Variants in DYNC1H1 observed in about 807,000 individuals in gnomAD.
DYNC1H1 encodes cytoplasmic dynein 1 heavy chain 1.
A neutral mutation model predicts 527.1 loss-of-function variants in DYNC1H1; 51 were observed. That is an observed-to-expected ratio of 0.10 (90% confidence interval 0.08 to 0.12). The LOEUF is 0.12. Among genes scored for constraint, DYNC1H1 ranks in the 10% least tolerant of loss-of-function variants. The probability of loss-of-function intolerance (pLI) is 1.00; values close to 1 mark genes in which losing one functional copy is unlikely to be tolerated. For missense variants in DYNC1H1, 2,771 were observed against 5,971.8 expected, an observed-to-expected ratio of 0.46 and a Z score of 17.66; for synonymous variants, 2,189 against 2,278.8, an observed-to-expected ratio of 0.96 and a Z score of 1.12.
chr14:102,033,756 T>A lies in DYNC1H1; in HGVS notation c.10414-220T>A. 1 of 685,956 alleles carries A rather than the reference T, an allele frequency of 1.5e-6. No homozygotes were observed. 42.5% of individuals were successfully genotyped at this position (685,956 alleles called of 1,614,324 possible). On this transcript the variant is annotated intron_variant, in intron 54 of 77. Transcript: ENST00000360184. The surrounding 1 kb of genome is among the most constrained non-coding windows in gnomAD (Gnocchi z 5.6). ...CTGTTTGCTCTGCTGCCTGAGGGCC[T>A]CGCTCCGTACCCAGCTTCTGCCCCG...
rs755482182 is a variant in DYNC1H1, at chr14:102,005,095, C to G, written c.5292C>G (p.Thr1764=). ...TAGCCTGGTCTGAGAACGTGGAGAC[C>G]GCACTGAGCAGCATGGGCGGAGGTG... ...AQIAWSENVE[T]ALSSMGGGGD... Residue 1764 remains threonine (T), a synonymous_variant, in exon 26 of 78, where the codon ACC becomes ACG. Transcript: ENST00000360184. This position sits in a 1 kb window ranked among gnomAD's most constrained non-coding sequence, Gnocchi z 4.0. 6.2e-7 allele frequency: 1 copy of G among 1,614,010 alleles called. No homozygotes were observed. Among genetic ancestry groups the G allele is most frequent in the Admixed American group, 1.7e-5 (1 of 60,000 alleles).
intron 5 of DYNC1H1, 58 bp from the exon 6 acceptor site, chr14:101,982,961 G>A (rs549456830): frequency 8.8e-6 from 14 of 1,592,774 alleles, no homozygotes; most frequent in Non-Finnish European, 1.2e-5. Context: ...GCATATTTTA[G>A]TTTACTTAGT....
chr14:102,013,642 G>T (rs542255092), intron 34 of DYNC1H1, among the ~76,000 whole-genome samples: 34 of 152,262 alleles, frequency 2.2e-4, no homozygotes, highest in African/African-American at 8.2e-4. Flanking sequence ...GGTCATTGTC[G>T]GGGGTGTGAG....
In DYNC1H1 at chr14:101,991,416, G is replaced by A. The variant is rs376084638; in HGVS notation, c.2869-111G>A. On this transcript the variant is annotated intron_variant, in intron 10 of 77. Transcript: ENST00000360184. ...GGAGGCGGAGGTTACAGTGAGCCAA[G>A]GTTGTGCCATTACACTGCAGCCTGG... The A allele has an allele frequency of 8.5e-5, 117 of 1,370,886 alleles. No homozygotes were observed. The African/African-American group carries it at 1.5e-3, about 18-fold the overall frequency. 84.9% of individuals were successfully genotyped at this position (1,370,886 alleles called of 1,614,324 possible).
In DYNC1H1 at chr14:102,039,202, C is replaced by G. The variant is rs571126286; in HGVS notation, c.11408C>G (p.Pro3803Arg). Residue 3803 changes from proline (P) to arginine (R), a missense_variant, in exon 60 of 78, where the codon CCG becomes CGG. Pro to Arg is a moderately radical substitution (Grantham distance 103). Around this residue, in one of 32 missense-constraint regions of DYNC1H1, gnomAD observed 283 missense variants for 737.6 expected, o/e 0.38. Coordinates refer to ENST00000360184, the MANE Select transcript of DYNC1H1 (RefSeq NM_001376.5). This position sits in a 1 kb window ranked among gnomAD's most constrained non-coding sequence, Gnocchi z 7.0. ...EVETVSQQYL[P>R]LSTACSSIYF... is the part of the protein sequence containing the mutation. ...GAGACCGTGTCCCAGCAGTACCTCCCGCTCTCCACCGCCTGCAGCAGCATC... is the reference window on the plus strand; with the variant it reads ...GAGACCGTGTCCCAGCAGTACCTCCGGCTCTCCACCGCCTGCAGCAGCATC... 17 of 1,614,074 alleles carry G rather than the reference C, an allele frequency of 1.1e-5. No homozygotes were observed. In the South Asian group the frequency reaches 1.1e-4, roughly 10 times the overall value.
chr14:101,980,408 G>A lies in DYNC1H1; in HGVS notation c.819G>A (p.Gln273=), dbSNP rs772012633. The A allele has an allele frequency of 5.5e-5, 89 of 1,614,128 alleles. No homozygotes were observed. Among genetic ancestry groups the A allele is most frequent in the Non-Finnish European group, 5.4e-5 (64 of 1,180,050 alleles). The change falls in exon 5 of 78, where the codon CAG becomes CAA. Residue 273 remains glutamine (Q), a synonymous_variant. Transcript: ENST00000360184. ...DRDPASGTAL[Q]EISFWLNLER... ...ATCCTGCATCAGGAACTGCCTTACA[G>A]GAAATTAGTTTTTGGCTAAACTTGG...
rs899346742 is a variant in DYNC1H1 at position 102,047,637 on chromosome 14, G to A, written c.13007-180G>A. ...TATATACACGTGTGTGTGTGTGTGTGTGTGTATATATATATATATATATAT... is the reference window on the plus strand; with the variant it reads ...TATATACACGTGTGTGTGTGTGTGTATGTGTATATATATATATATATATAT... On this transcript the variant is annotated intron_variant, in intron 72 of 77. Transcript: ENST00000360184. 244 of 393,840 alleles carry A rather than the reference G, an allele frequency of 6.2e-4. 3 individuals are homozygous for A. The highest frequency in any genetic ancestry group is 4.7e-3 in the African/African-American group (106 of 22,478). The allele number at this position is 393,840 out of a possible 1,614,324, so 24.4% of individuals were successfully genotyped here.
At position 102,039,869 on chromosome 14, in the gene DYNC1H1, C is replaced by T; in HGVS notation, c.11690+137C>T. The stretch of plus-strand genomic sequence containing the variant: ...ATTTTATTTTTTGAGACGGAGTCTC[C>T]CTTTGTTGCCTAGGCTGGAGTGCCG... On this transcript the variant is annotated intron_variant, in intron 62 of 77. Coordinates refer to ENST00000360184, the MANE Select transcript of DYNC1H1 (RefSeq NM_001376.5). The surrounding 1 kb of genome is among the most constrained non-coding windows in gnomAD (Gnocchi z 7.0). 1 of 1,154,066 alleles carries T rather than the reference C, an allele frequency of 8.7e-7. No homozygotes were observed. Among genetic ancestry groups the T allele is most frequent in the Non-Finnish European group, 1.2e-6 (1 of 810,090 alleles). 71.5% of individuals were successfully genotyped at this position (1,154,066 alleles called of 1,614,324 possible).
At chr14:102,048,285 C>A in intron 73 of DYNC1H1, 1 of 716,030 alleles carries the variant, frequency 1.4e-6, no homozygotes, top group Non-Finnish European at 2.3e-6. Flanking sequence ...AGCCCTTCCT[C>A]CCTAGAGAGC....
rs773186619 is a variant in DYNC1H1, at chr14:102,015,248, G to C, written c.7158G>C (p.Pro2386=). 2.5e-6 allele frequency: 4 copies of C among 1,614,204 alleles called. No homozygotes were observed. The highest frequency in any genetic ancestry group is 2.5e-6 in the Non-Finnish European group (3 of 1,180,042). Residue 2386 remains proline (P), a synonymous_variant, in exon 35 of 78, where the codon CCG becomes CCC. Coordinates refer to ENST00000360184, the MANE Select transcript of DYNC1H1 (RefSeq NM_001376.5). The surrounding 1 kb of genome is among the most constrained non-coding windows in gnomAD (Gnocchi z 6.9). ...NNFLARLRSI[P]LDEGEDEAQR... is the part of the protein sequence containing the mutation. Reference sequence around the variant, plus strand: ...TCCTGGCCAGGCTGCGCAGCATCCCGCTGGATGAAGGGGAGGATGAGGCAC... The same window carrying C: ...TCCTGGCCAGGCTGCGCAGCATCCCCCTGGATGAAGGGGAGGATGAGGCAC...
At position 101,996,778 on chromosome 14, in the gene DYNC1H1, T is replaced by G. The variant is rs17512222; in HGVS notation, c.3565-257T>G. ...CTGGGACTACAGATACATGCCACCA[T>G]GCCTGGCTAATTTTTTTCTTTTTAA... On this transcript the variant is annotated intron_variant, in intron 15 of 77. Transcript: ENST00000360184. Among the ~76,000 whole-genome samples, 837 of 152,210 alleles carry G rather than the reference T, an allele frequency of 5.5e-3. 17 individuals are homozygous for G. Among genetic ancestry groups the G allele is most frequent in the East Asian group, 0.036 (187 of 5,168 alleles).
chr14:102,039,381 T>C lies in DYNC1H1; in HGVS notation c.11461-31T>C. On this transcript the variant is annotated intron_variant, in intron 60 of 77. Transcript: ENST00000360184. The surrounding 1 kb of genome is among the most constrained non-coding windows in gnomAD (Gnocchi z 7.0). Reference sequence around the variant, plus strand: ...AAGTTCAGCGGGGTGCCGAGGGAGCTGCCTCACCGCTGCCCACTGCTTCCT... The same window carrying C: ...AAGTTCAGCGGGGTGCCGAGGGAGCCGCCTCACCGCTGCCCACTGCTTCCT... 1 of 1,614,206 alleles carries C rather than the reference T, an allele frequency of 6.2e-7. No individual in the cohort carries two copies. The highest frequency in any genetic ancestry group is 8.5e-7 in the Non-Finnish European group (1 of 1,180,040).
Position 102,044,226 on chromosome 14 carries a change from C to G in DYNC1H1, c.12685-48C>G. On this transcript the variant is annotated intron_variant, in intron 70 of 77. Transcript: ENST00000360184. The surrounding 1 kb of genome is among the most constrained non-coding windows in gnomAD (Gnocchi z 7.1). ...GTGCCCCTCGAAAGGAAGCCCCGGG[C>G]CTGCCCGCCTCTGACCACACACACG... 1.2e-6 allele frequency: 2 copies of G among 1,608,900 alleles called. No individual in the cohort carries two copies. Among genetic ancestry groups the G allele is most frequent in the Non-Finnish European group, 1.7e-6 (2 of 1,178,076 alleles).
In DYNC1H1 at chr14:101,994,344, A is replaced by G; in HGVS notation, c.3156+20A>G. The G allele has an allele frequency of 6.2e-7, 1 of 1,614,174 alleles. No homozygotes were observed. Among genetic ancestry groups the G allele is most frequent in the Non-Finnish European group, 8.5e-7 (1 of 1,180,020 alleles). Reference sequence around the variant, plus strand: ...GTCAAGGTAAGAAACTCCTAATTTCATTCAAATGTGCATATGGTCTATTCT... The same window carrying G: ...GTCAAGGTAAGAAACTCCTAATTTCGTTCAAATGTGCATATGGTCTATTCT... On this transcript the variant is annotated intron_variant, in intron 12 of 77. Transcript: ENST00000360184.
In DYNC1H1 at chr14:102,038,059, C is replaced by T. The variant is rs10140283; in HGVS notation, c.10909-401C>T. 1,802 of 338,558 alleles carry T rather than the reference C, an allele frequency of 5.3e-3. 31 individuals carry two copies. The highest frequency in any genetic ancestry group is 0.036 in the African/African-American group (1,678 of 46,672). The allele number at this position is 338,558 out of a possible 1,614,324, so 21.0% of individuals were successfully genotyped here. A position where few individuals can be genotyped will look rare whatever the true frequency, so the allele number is the denominator to read the frequency against. On this transcript the variant is annotated intron_variant, in intron 57 of 77. Transcript: ENST00000360184. This position sits in a 1 kb window ranked among gnomAD's most constrained non-coding sequence, Gnocchi z 7.2. ...TGAGACAGAGTGTTGCTCTGTCCCC[C>T]AGTCTGAACCTCCCAGGTTCAAGCA...
chr14:102,000,509 C>A, intron 18 of DYNC1H1, 110 bp downstream of exon 18: 4 of 899,022 alleles, frequency 4.4e-6, no homozygotes, highest in Non-Finnish European at 7.1e-6. Flanking sequence ...CATAAGATGT[C>A]ATTTAATGTC....
rs2048582985 is a variant in DYNC1H1, at chr14:102,036,985, T to C, written c.10908+343T>C. ...GGTGGCTGGCACCTGTAGTCCCAGC[T>C]ACTCGGGAGGCTGAGGCAGGAGAAT... On this transcript the variant is annotated intron_variant, in intron 57 of 77. Coordinates refer to ENST00000360184, the MANE Select transcript of DYNC1H1 (RefSeq NM_001376.5). The surrounding 1 kb of genome is among the most constrained non-coding windows in gnomAD (Gnocchi z 5.6). The C allele has an allele frequency of 5.8e-6, 2 of 347,250 alleles. No homozygotes were observed. Among genetic ancestry groups the C allele is most frequent in the Admixed American group, 7.9e-5 (2 of 25,430 alleles). 21.5% of individuals were successfully genotyped at this position (347,250 alleles called of 1,614,324 possible).
chr14:102,016,206 G>A lies in DYNC1H1; in HGVS notation c.7473+120G>A, dbSNP rs577651559. Reference sequence around the variant, plus strand: ...CTCTCCTAGGCGAGGCAGAGCCTTCGTTGAGGGGCTAGGAAAGGTGCAGTG... The same window carrying A: ...CTCTCCTAGGCGAGGCAGAGCCTTCATTGAGGGGCTAGGAAAGGTGCAGTG... On this transcript the variant is annotated intron_variant, in intron 36 of 77. Transcript: ENST00000360184. This position sits in a 1 kb window ranked among gnomAD's most constrained non-coding sequence, Gnocchi z 7.3. 30 of 1,503,756 alleles carry A rather than the reference G, an allele frequency of 2.0e-5. No homozygotes were observed. Among genetic ancestry groups the A allele is most frequent in the African/African-American group, 1.3e-4 (9 of 71,998 alleles). The allele number at this position is 1,503,756 out of a possible 1,614,324, so 93.2% of individuals were successfully genotyped here. A position where few individuals can be genotyped will look rare whatever the true frequency, so the allele number is the denominator to read the frequency against.
Position 102,005,941 on chromosome 14 carries a change from G to C in DYNC1H1, c.5487G>C (p.Lys1829Asn), listed in dbSNP as rs1025889998. The change falls in exon 27 of 78, where the codon AAG becomes AAC. Residue 1829 changes from lysine to asparagine, a missense_variant. Physicochemically the swap from Lys to Asn is moderately conservative, Grantham distance 94 (BLOSUM62 0). Coordinates refer to ENST00000360184, the MANE Select transcript of DYNC1H1 (RefSeq NM_001376.5). This position sits in a 1 kb window ranked among gnomAD's most constrained non-coding sequence, Gnocchi z 4.0. ...TTACAAGGTCCTTGATCAAAAGCAA[G>C]ATTGACAACGCCAAATCTTTTGAAT... ...RDVTRSLIKS[K>N]IDNAKSFEWL... The C allele has an allele frequency of 6.2e-7, 1 of 1,614,254 alleles. No homozygotes were observed. The highest frequency in any genetic ancestry group is 8.5e-7 in the Non-Finnish European group (1 of 1,180,046).
Sources: gnomAD v4.1 joint callset for allele counts (sites outside exome capture counted in the v4.1 genomes callset) on GRCh38, gnomAD v4.1.1 for gene constraint, gnomAD v4.1.1 regional missense constraint, Gnocchi (gnomAD v3.1) non-coding constraint, MANE v1.5 for transcripts, NCBI Gene and HGNC (gene_info 2026-07-23, HGNC 2026-07-21) for gene names.